Variants in IPO9 observed in about 807,000 individuals in gnomAD.
IPO9 encodes the protein importin 9, also known as importin-9.
A neutral mutation model predicts 128.6 loss-of-function variants in IPO9; 28 were observed. The observed-to-expected ratio is 0.22, with a 90% confidence interval of 0.16 to 0.30. The LOEUF (loss-of-function observed/expected upper bound fraction) is 0.30. Ranked by LOEUF, IPO9 falls within the 10% of genes least tolerant of loss-of-function variation. The probability of loss-of-function intolerance (pLI) is 1.00; values close to 1 mark genes in which losing one functional copy is unlikely to be tolerated. For synonymous variants in IPO9, 455 were observed against 475.8 expected (o/e 0.96, Z 0.57); for missense variants, 935 against 1,293.9 (o/e 0.72, Z 4.26).
At chr1:201,854,787 A>T (rs751291212) in intron 7 of IPO9, 36 bp from the exon 8 acceptor site, 1 of 1,602,218 alleles carries the variant, frequency 6.2e-7, no homozygotes, top group Admixed American at 1.7e-5. Flanking sequence ...CTTATATATC[A>T]CTCATAACTT....
rs776235060 is a variant in IPO9 at position 201,868,699 on chromosome 1, T to C, written c.1907T>C (p.Ile636Thr). The C allele has an allele frequency of 1.2e-6, 2 of 1,613,940 alleles. No individual in the cohort carries two copies. The highest frequency in any genetic ancestry group is 2.7e-5 in the African/African-American group (2 of 74,916). ...AQDIFKELSQ[I>T]EACQGPMQMR... ...GACATCTTCAAGGAGCTGTCCCAGATTGAAGCCTGTCAGGGCCCAATGCAA... is the reference window on the plus strand; with the variant it reads ...GACATCTTCAAGGAGCTGTCCCAGACTGAAGCCTGTCAGGGCCCAATGCAA... Residue 636 changes from isoleucine (I) to threonine (T), a missense_variant, in exon 16 of 24, where the codon ATT becomes ACT. By Grantham distance (89) the Ile-to-Thr change is moderately conservative. This residue lies in a region of IPO9 where 741 missense variants were observed against 1,019.1 expected (regional missense o/e 0.73). Transcript: ENST00000361565.
intron 1 of IPO9, among the ~76,000 whole-genome samples, chr1:201,831,997 G>A (rs1053283164): frequency 6.6e-6 from 1 of 151,914 alleles, no homozygotes; most frequent in Non-Finnish European, 1.5e-5. Context: ...CGCCTCCTGG[G>A]TTCAAGCAAT....
At position 201,874,354 on chromosome 1, in the gene IPO9, C is replaced by T; in HGVS notation, c.2815C>T (p.Pro939Ser). 5.0e-6 allele frequency: 8 copies of T among 1,614,016 alleles called. No homozygotes were observed. Among genetic ancestry groups the T allele is most frequent in the Non-Finnish European group, 6.8e-6 (8 of 1,179,950 alleles). ...GGCTAATGCCGCTCGCCAGGCCACTCCTGCAGAGTGGAGTCAAGGTGCACC... is the reference window on the plus strand; with the variant it reads ...GGCTAATGCCGCTCGCCAGGCCACTTCTGCAGAGTGGAGTCAAGGTGCACC... ...MEANAARQAT[P>S]AEWSQDDSND... Residue 939 changes from proline to serine, a missense_variant, in exon 21 of 24, where the codon CCT becomes TCT. Coordinates refer to ENST00000361565, the MANE Select transcript of IPO9 (RefSeq NM_018085.5).
intron 13 of IPO9, among the ~76,000 whole-genome samples, chr1:201,859,718 G>A (rs1680407420): frequency 6.6e-6 from 1 of 152,150 alleles, no homozygotes; most frequent in Non-Finnish European, 1.5e-5. Context: ...CCAGCACTTT[G>A]GGAGGCTAAG....
chr1:201,833,632 T>A (rs989046525), intron 1 of IPO9, among the ~76,000 whole-genome samples: 17 of 152,212 alleles, frequency 1.1e-4, no homozygotes, highest in African/African-American at 3.9e-4. Context: ...ATTTAAAGTC[T>A]ATTTAACAGG....
chr1:201,860,713 AT>A (rs1163544964), intron 13 of IPO9, among the ~76,000 whole-genome samples: 1 of 152,222 alleles, frequency 6.6e-6, no homozygotes, highest in Non-Finnish European at 1.5e-5. Flanking sequence ...TTTAAAAGAC[AT>A]TTTTATGTGG....
intron 1 of IPO9, among the ~76,000 whole-genome samples, chr1:201,846,673 T>TGTTTTGCTTTTTTGAGATAGA: frequency 1.3e-5 from 2 of 151,388 alleles, no homozygotes; most frequent in Non-Finnish European, 2.9e-5. Context: ...GCGCCCAGCC[T>TGTTTTGCTTTTTTGAGATAGA]GTTTTGCTTT....
intron 5 of IPO9, 140 bp downstream of exon 5, chr1:201,852,332 A>G (rs1680235306): frequency 3.4e-6 from 2 of 581,984 alleles, no homozygotes; most frequent in Non-Finnish European, 6.1e-6. Context: ...CTGAATCTGC[A>G]TTAACCTTAG....
intron 20 of IPO9, 41 bp from the exon 21 acceptor site, chr1:201,874,209 T>C (rs762071575): frequency 5.6e-6 from 9 of 1,609,038 alleles, no homozygotes; most frequent in Non-Finnish European, 7.6e-6. Context: ...AGAAGTAAGC[T>C]CAGTGACACT....
intron 16 of IPO9, 51 bp downstream of exon 16, chr1:201,868,847 C>G: frequency 6.5e-7 from 1 of 1,527,778 alleles, no homozygotes; most frequent in Non-Finnish European, 8.9e-7. Context: ...TCTACAAGTG[C>G]CACCCACAGA....
rs1437503848 is a variant in IPO9 at position 201,874,902 on chromosome 1, A to G, written c.2904A>G (p.Gln968=). Residue 968 remains glutamine, a synonymous_variant, in exon 22 of 24, where the codon CAA becomes CAG. Coordinates refer to ENST00000361565, the MANE Select transcript of IPO9 (RefSeq NM_018085.5). ...EEEEEDGLAG[Q]LLSDILATSK... ...AGGAGGAGGATGGTTTAGCTGGCCA[A>G]CTTTTATCTGACATTCTTGCTACAA... is the stretch of plus-strand genomic sequence containing the variant. 6.2e-7 allele frequency: 1 copy of G among 1,613,510 alleles called. No individual in the cohort carries two copies. Among genetic ancestry groups the G allele is most frequent in the Admixed American group, 1.7e-5 (1 of 60,016 alleles).
At chr1:201,869,557 A>G in intron 16 of IPO9, 33 bp from the exon 17 acceptor site, 1 of 1,612,088 alleles carries the variant, frequency 6.2e-7, no homozygotes, top group South Asian at 1.1e-5. Context: ...CCCCAGAGGC[A>G]ATTCTGACTT....
chr1:201,829,494 G>A, intron 1 of IPO9, 122 bp downstream of exon 1: 2 of 1,035,404 alleles, frequency 1.9e-6, no homozygotes, highest in Non-Finnish European at 2.6e-6. Context: ...GAGAAGTGGA[G>A]CAGGAAGCGA....
In IPO9 at chr1:201,857,208, G is replaced by A. The variant is rs199973247; in HGVS notation, c.1221+14G>A. The stretch of plus-strand genomic sequence containing the variant: ...GACTTGTTGCTGGTAAGTTTACCTT[G>A]ATACTTCAGCCACATAATTTCTATC... On this transcript the variant is annotated intron_variant, in intron 11 of 23. Coordinates refer to ENST00000361565, the MANE Select transcript of IPO9 (RefSeq NM_018085.5). 4.7e-6 allele frequency: 7 copies of A among 1,500,190 alleles called. No individual in the cohort carries two copies. Among genetic ancestry groups the A allele is most frequent in the Non-Finnish European group, 6.5e-6 (7 of 1,076,790 alleles). The allele number at this position is 1,500,190 out of a possible 1,614,324, so 92.9% of individuals were successfully genotyped here.
intron 1 of IPO9, among the ~76,000 whole-genome samples, chr1:201,842,521 C>T (rs555343318): frequency 2.0e-5 from 3 of 152,276 alleles, no homozygotes; most frequent in African/African-American, 7.2e-5. Context: ...CTGAAGCTAC[C>T]TAGGAGCTGC....
Position 201,837,464 on chromosome 1 carries a change from GA to G in IPO9, c.163+8096del, listed in dbSNP as rs1679959939. On this transcript the variant is annotated intron_variant, in intron 1 of 23. Transcript: ENST00000361565. The stretch of plus-strand genomic sequence containing the variant: ...TGATCAGTGCCAGAGTGAACTGATG[GA>G]AAATGTGTGGTTCTTTTTCCCTTTT... Among the ~76,000 whole-genome samples the G allele has an allele frequency of 2.6e-5, 4 of 152,256 alleles. No homozygotes were observed. The South Asian group carries it at 8.3e-4, about 32-fold the overall frequency.
In IPO9 at chr1:201,883,358, G is replaced by T. The variant is rs1680925668; in HGVS notation, c.*7304G>T. The T allele has an allele frequency of 6.6e-6, 1 of 152,278 alleles. No homozygotes were observed. The highest frequency in any genetic ancestry group is 6.5e-5 in the Admixed American group (1 of 15,280). 9.4% of individuals were successfully genotyped at this position (152,278 alleles called of 1,614,324 possible). On this transcript the variant is annotated 3_prime_UTR_variant, in exon 24 of 24. Coordinates refer to ENST00000361565, the MANE Select transcript of IPO9 (RefSeq NM_018085.5). ...GGAGGAAGAAGGGGAGAGAAAAAGG[G>T]GGGTAGTTTTCCAAAAGATAAGTAG...
intron 1 of IPO9, among the ~76,000 whole-genome samples, chr1:201,831,839 A>G (rs1302346470): frequency 6.6e-6 from 1 of 152,082 alleles, no homozygotes. Context: ...CTTGCAAACT[A>G]CTTTCCACTT....
At chr1:201,851,959 A>G in intron 4 of IPO9, 145 bp from the exon 5 acceptor site, 2 of 472,230 alleles carry the variant, frequency 4.2e-6, no homozygotes, top group Non-Finnish European at 7.5e-6. Flanking sequence ...TTTTGCTTTC[A>G]CAGAATGAGA....
Sources: gnomAD v4.1 joint callset for allele counts (sites outside exome capture counted in the v4.1 genomes callset) on GRCh38, gnomAD v4.1.1 for gene constraint, gnomAD v4.1.1 regional missense constraint, MANE v1.5 for transcripts, NCBI Gene and HGNC (gene_info 2026-07-23, HGNC 2026-07-21) for gene names.